The following TRPS1 variants were observed in gnomAD, a reference collection of about 807,000 sequenced individuals.
The protein encoded by TRPS1 is transcriptional repressor GATA binding 1.
In TRPS1, 6 loss-of-function variants were observed where a neutral mutation model predicts 101.2. The observed-to-expected ratio is 0.06, with a 90% CI of 0.03 to 0.12. The LOEUF (loss-of-function observed/expected upper bound fraction) is 0.12, where lower values mean the gene tolerates loss of function less well. Ranked by LOEUF, TRPS1 falls within the 10% of genes least tolerant of loss-of-function variation. The pLI is 1.00. For synonymous variants in TRPS1, 578 were observed against 589.8 expected, an observed-to-expected ratio of 0.98 and a Z score of 0.29; for missense variants, 1,363 against 1,567.0, an observed-to-expected ratio of 0.87 and a Z score of 2.20.
In TRPS1 at chr8:115,532,146, C is replaced by T. The variant is rs147058514; in HGVS notation, c.2700+54855G>A. ...TTAGATAATCAGACCTTGGAAAATA[C>T]ATATTTGCACCAGGATTTCAAAATA... On this transcript the variant is annotated intron_variant, in intron 5 of 6. Coordinates refer to ENST00000395715, the MANE Select transcript of TRPS1 (RefSeq NM_014112.5). Among the ~76,000 whole-genome samples, 3 of 152,148 alleles carry T rather than the reference C, an allele frequency of 2.0e-5. No homozygotes were observed. The East Asian group carries it at 5.8e-4, about 29-fold the overall frequency.
intron 4 of TRPS1, among the ~76,000 whole-genome samples, chr8:115,591,632 AC>A (rs1411588438): frequency 6.6e-6 from 1 of 152,156 alleles, no homozygotes; most frequent in East Asian, 1.9e-4. Flanking sequence ...GAACCAACCG[AC>A]CTAGGCAAAA....
intron 5 of TRPS1, among the ~76,000 whole-genome samples, chr8:115,497,443 G>A (rs963516638): frequency 1.3e-5 from 2 of 152,134 alleles, no homozygotes; most frequent in Admixed American, 6.5e-5. Flanking sequence ...AGACTGGTAC[G>A]GGTCCATGGC....
chr8:115,571,970 T>C (rs1046339243), intron 5 of TRPS1, among the ~76,000 whole-genome samples: 5 of 152,024 alleles, frequency 3.3e-5, no homozygotes, highest in Non-Finnish European at 5.9e-5. Context: ...CATATATATT[T>C]ATATATTTAA....
At chr8:115,423,041 TAGC>T (rs1813106665) in intron 5 of TRPS1, among the ~76,000 whole-genome samples, 2 of 152,054 alleles carry the variant, frequency 1.3e-5, no homozygotes, top group Admixed American at 1.3e-4. Flanking sequence ...CCGCAAAGAG[TAGC>T]TGCAATCTCT....
chr8:115,620,160 C>A, intron 2 of TRPS1, 100 bp from the exon 3 acceptor site: 4 of 1,192,476 alleles, frequency 3.4e-6, no homozygotes, highest in South Asian at 1.4e-5. Context: ...TTTTAAGGTG[C>A]ATAATCAAAT....
chr8:115,595,219 A>G (rs1377780458), intron 4 of TRPS1, among the ~76,000 whole-genome samples: 1 of 151,988 alleles, frequency 6.6e-6, no homozygotes, highest in Non-Finnish European at 1.5e-5. Context: ...AAATCTAATA[A>G]AGTTAGTCAT....
intron 5 of TRPS1, among the ~76,000 whole-genome samples, chr8:115,480,125 G>A (rs1415431475): frequency 6.6e-6 from 1 of 152,098 alleles, no homozygotes; most frequent in East Asian, 1.9e-4. Flanking sequence ...TACTGAAGAT[G>A]ACTGTGAAAG....
chr8:115,656,911 C>T (rs751010560), intron 1 of TRPS1, among the ~76,000 whole-genome samples: 1 of 151,984 alleles, frequency 6.6e-6, no homozygotes, highest in Non-Finnish European at 1.5e-5. Flanking sequence ...TTCTGATAAG[C>T]TTTAAAAGAA....
chr8:115,444,331 A>C lies in TRPS1; in HGVS notation c.2701-25879T>G, dbSNP rs1213956088. 1.3e-5 allele frequency among the ~76,000 whole-genome samples: 2 copies of C among 152,112 alleles called. 1 individual carries two copies. The highest frequency in any genetic ancestry group is 4.8e-5 in the African/African-American group (2 of 41,426). On this transcript the variant is annotated intron_variant, in intron 5 of 6. Transcript: ENST00000395715. ...GCTCTGATAAGGAATGTGATTTCTT[A>C]CCATCATGTCTGGTGTCCAACATGG...
At chr8:115,564,002 C>T (rs866422663) in intron 5 of TRPS1, among the ~76,000 whole-genome samples, 4 of 152,192 alleles carry the variant, frequency 2.6e-5, no homozygotes, top group Middle Eastern at 6.8e-3. Flanking sequence ...AGAATTCTCA[C>T]GAGAATCAGA....
intron 5 of TRPS1, among the ~76,000 whole-genome samples, chr8:115,494,134 G>A (rs1815094284): frequency 6.6e-6 from 1 of 152,106 alleles, no homozygotes. Flanking sequence ...TCCAATCATG[G>A]TGGCAATTTT....
intron 1 of TRPS1, among the ~76,000 whole-genome samples, chr8:115,666,355 C>T (rs944864280): frequency 4.0e-5 from 6 of 151,370 alleles, no homozygotes; most frequent in African/African-American, 1.2e-4. Context: ...TTACAGGAAA[C>T]GCTTCATCTT....
intron 5 of TRPS1, among the ~76,000 whole-genome samples, chr8:115,576,483 A>G (rs1403358915): frequency 6.6e-6 from 1 of 152,114 alleles, no homozygotes; most frequent in Non-Finnish European, 1.5e-5. Context: ...GAGAAACTGC[A>G]TACTTCAAAC....
intron 1 of TRPS1, among the ~76,000 whole-genome samples, chr8:115,645,212 T>C (rs1485805418): frequency 6.6e-6 from 1 of 152,054 alleles, no homozygotes; most frequent in East Asian, 1.9e-4. Context: ...ACGAGGTAAT[T>C]ACATATATAT....
chr8:115,523,063 C>A (rs1264913826), intron 5 of TRPS1, among the ~76,000 whole-genome samples: 1 of 151,954 alleles, frequency 6.6e-6, no homozygotes, highest in Non-Finnish European at 1.5e-5. Flanking sequence ...TGTGATAAAC[C>A]TTTTGATTTT....
Position 115,450,000 on chromosome 8 carries a change from C to A in TRPS1, c.2701-31548G>T, listed in dbSNP as rs113505275. ...ACACACACACACACAGACATACACA[C>A]ACAGAGGAAAATACTTGGAAGAGGA... On this transcript the variant is annotated intron_variant, in intron 5 of 6. Coordinates refer to ENST00000395715, the MANE Select transcript of TRPS1 (RefSeq NM_014112.5). Among the ~76,000 whole-genome samples the A allele has an allele frequency of 7.1e-3, 1,045 of 147,812 alleles. 11 individuals carry two copies. Among genetic ancestry groups the A allele is most frequent in the African/African-American group, 0.022 (866 of 39,854 alleles).
intron 5 of TRPS1, among the ~76,000 whole-genome samples, chr8:115,427,970 C>T (rs955099260): frequency 1.3e-5 from 2 of 152,144 alleles, no homozygotes; most frequent in Admixed American, 6.5e-5. Context: ...CTGACTTAGC[C>T]TCTCATAGCG....
chr8:115,570,804 A>G (rs992666836), intron 5 of TRPS1, among the ~76,000 whole-genome samples: 2 of 152,152 alleles, frequency 1.3e-5, no homozygotes, highest in African/African-American at 4.8e-5. Flanking sequence ...CCTTAAAATC[A>G]TAAGAACTGG....
At chr8:115,620,770 G>A (rs1400024959) in intron 2 of TRPS1, among the ~76,000 whole-genome samples, 1 of 152,184 alleles carries the variant, frequency 6.6e-6, no homozygotes, top group Non-Finnish European at 1.5e-5. Flanking sequence ...AAAGTCAGAA[G>A]AAAGACCTGC....
Sources: allele counts gnomAD v4.1 joint callset (sites outside exome capture counted in the v4.1 genomes callset), GRCh38; gene constraint gnomAD v4.1.1; transcripts MANE v1.5; gene names NCBI Gene and HGNC (gene_info 2026-07-23, HGNC 2026-07-21).